Variants in LAMA4 observed in about 807,000 individuals in gnomAD.
LAMA4 encodes the protein laminin subunit alpha 4.
Under a neutral mutation model 207.1 loss-of-function variants are expected in LAMA4, and 127 were observed. That is an observed-to-expected ratio of 0.61 (90% CI 0.53 to 0.71). The LOEUF is 0.71. Ranked by LOEUF, LAMA4 falls within the 30% of genes least tolerant of loss-of-function variation. LAMA4 has a pLI of 0.00. For missense variants in LAMA4, 2,093 were observed against 2,246.5 expected (o/e 0.93, Z 1.38); for synonymous variants, 761 against 816.0 (o/e 0.93, Z 1.15).
chr6:112,243,534 G>C (rs782683183), intron 2 of LAMA4, among the ~76,000 whole-genome samples: 1 of 152,070 alleles, frequency 6.6e-6, no homozygotes, highest in Non-Finnish European at 1.5e-5. Flanking sequence ...TAGAGGAATT[G>C]ACCAGGTTTC....
chr6:112,155,249 AT>A, intron 15 of LAMA4: 1 of 562,474 alleles, frequency 1.8e-6, no homozygotes, highest in African/African-American at 1.9e-5. Context: ...GTTGAAAAAA[AT>A]ATAAATGAAT....
Position 112,143,441 on chromosome 6 carries a change from C to T in LAMA4, c.2494-1149G>A, listed in dbSNP as rs150999446. ...CTGGGACTACAGGTGTGCGCCACCA[C>T]GCCCAGCCAATTTTTGTATTTTGGT... On this transcript the variant is annotated intron_variant, in intron 19 of 38. Coordinates refer to ENST00000230538, the MANE Select transcript of LAMA4 (RefSeq NM_001105206.3). Among the ~76,000 whole-genome samples the T allele has an allele frequency of 4.5e-3, 692 of 152,228 alleles. 13 individuals are homozygous for T. Among genetic ancestry groups the T allele is most frequent in the South Asian group, 0.034 (165 of 4,822 alleles).
chr6:112,119,964 A>G (rs1554325583), intron 33 of LAMA4, among the ~76,000 whole-genome samples: 1 of 152,230 alleles, frequency 6.6e-6, no homozygotes, highest in African/African-American at 2.4e-5. Flanking sequence ...TTAGCCAATA[A>G]AAGACACTCA....
At chr6:112,114,281 C>T in intron 37 of LAMA4, 86 bp from the exon 38 acceptor site, 1 of 1,369,726 alleles carries the variant, frequency 7.3e-7, no homozygotes. Flanking sequence ...ACAGCAATTG[C>T]TTTTATTTAT....
intron 17 of LAMA4, among the ~76,000 whole-genome samples, chr6:112,149,154 A>C (rs1317373226): frequency 1.3e-5 from 1 of 74,542 alleles, no homozygotes; most frequent in African/African-American, 7.4e-5. Flanking sequence ...TATAAATAAT[A>C]AATAATTTAT....
intron 2 of LAMA4, among the ~76,000 whole-genome samples, chr6:112,246,332 CTTTTAACCAATCAAAG>C (rs1161757814): frequency 2.0e-5 from 3 of 152,080 alleles, no homozygotes; most frequent in African/African-American, 4.8e-5. Context: ...GTTTTAATGG[CTTTTAACCAATCAAAG>C]TTCTCAAAAT....
At chr6:112,237,907 A>G (rs1786052819) in intron 2 of LAMA4, among the ~76,000 whole-genome samples, 1 of 152,198 alleles carries the variant, frequency 6.6e-6, no homozygotes, top group Non-Finnish European at 1.5e-5. Context: ...CAATCTAGCC[A>G]GGAGACTGTT....
At chr6:112,201,554 A>G in intron 5 of LAMA4, 54 bp downstream of exon 5, 1 of 1,416,276 alleles carries the variant, frequency 7.1e-7, no homozygotes, top group East Asian at 2.3e-5. Context: ...TGAGTGTGAG[A>G]AACAGAAAGC....
At chr6:112,150,966 G>A (rs1199103406) in intron 16 of LAMA4, among the ~76,000 whole-genome samples, 8 of 152,096 alleles carry the variant, frequency 5.3e-5, no homozygotes, top group South Asian at 2.1e-4. Flanking sequence ...CTACATATAT[G>A]TGATAACGAC....
intron 2 of LAMA4, among the ~76,000 whole-genome samples, chr6:112,238,226 G>A (rs1786075894): frequency 6.6e-6 from 1 of 152,270 alleles, no homozygotes. Flanking sequence ...TGCATTATTA[G>A]TGTGCTTGTT....
intron 3 of LAMA4, among the ~76,000 whole-genome samples, chr6:112,210,943 T>A (rs181414490): frequency 5.3e-5 from 8 of 152,340 alleles, no homozygotes; most frequent in Non-Finnish European, 1.0e-4. Context: ...ATGCCGTAAA[T>A]ATTGGTATAT....
chr6:112,168,701 C>T (rs1008207033), intron 12 of LAMA4, among the ~76,000 whole-genome samples: 2 of 151,796 alleles, frequency 1.3e-5, no homozygotes, highest in African/African-American at 2.4e-5. Context: ...CTTATACATG[C>T]GAACAAGTGC....
At chr6:112,212,678 A>C (rs1784417916) in intron 3 of LAMA4, among the ~76,000 whole-genome samples, 2 of 152,168 alleles carry the variant, frequency 1.3e-5, no homozygotes. Flanking sequence ...CCAAAATTTC[A>C]AATTTTTCCA....
chr6:112,171,240 T>C (rs1781691641), intron 12 of LAMA4, among the ~76,000 whole-genome samples: 3 of 152,056 alleles, frequency 2.0e-5, no homozygotes, highest in Admixed American at 2.0e-4. Context: ...AAACTACTGG[T>C]TACAACCCAT....
At chr6:112,182,425 T>G (rs1383426703) in intron 9 of LAMA4, among the ~76,000 whole-genome samples, 2 of 152,346 alleles carry the variant, frequency 1.3e-5, no homozygotes, top group East Asian at 3.9e-4. Context: ...GTTTTGGAAC[T>G]TTGTGGAATT....
rs73544375 is a variant in LAMA4, at chr6:112,221,556, C to T, written c.196-5087G>A. 8.6e-3 allele frequency among the ~76,000 whole-genome samples: 1,304 copies of T among 152,248 alleles called. 26 individuals carry two copies. The highest frequency in any genetic ancestry group is 0.029 in the African/African-American group (1,213 of 41,538). ...CAGCCCACATTACATTATCTTTCTG[C>T]TTAGGTTTTTGTATGTATTTGATGA... On this transcript the variant is annotated intron_variant, in intron 2 of 38. Coordinates refer to ENST00000230538, the MANE Select transcript of LAMA4 (RefSeq NM_001105206.3).
rs533452447 is a variant in LAMA4, at chr6:112,161,721, GGAGT to G, written c.1669-2845_1669-2842del. On this transcript the variant is annotated intron_variant, in intron 13 of 38. Transcript: ENST00000230538. ...ACATATGACAGGTGGGGTGGGATGA[GGAGT>G]GAGTGGGGTAAGGGGTTCATTTGGA... is the stretch of plus-strand genomic sequence containing the variant. 1.2e-3 allele frequency among the ~76,000 whole-genome samples: 177 copies of G among 152,298 alleles called. 1 individual carries two copies. The highest frequency in any genetic ancestry group is 4.1e-3 in the African/African-American group (169 of 41,570).
chr6:112,206,049 C>T (rs1384524890), intron 4 of LAMA4, among the ~76,000 whole-genome samples: 1 of 152,198 alleles, frequency 6.6e-6, no homozygotes, highest in Non-Finnish European at 1.5e-5. Flanking sequence ...GCATCACTTC[C>T]ATGTAGCTCT....
At chr6:112,133,626 G>C in intron 26 of LAMA4, 139 bp from the exon 27 acceptor site, 1 of 1,079,126 alleles carries the variant, frequency 9.3e-7, no homozygotes, top group Non-Finnish European at 1.4e-6. Flanking sequence ...TTCTTTGATA[G>C]GCACACAGCA....
Sources: allele counts gnomAD v4.1 joint callset (sites outside exome capture counted in the v4.1 genomes callset), GRCh38; gene constraint gnomAD v4.1.1; transcripts MANE v1.5; gene names NCBI Gene and HGNC (gene_info 2026-07-23, HGNC 2026-07-21).